Variants in IL16 observed in about 807,000 individuals in gnomAD.
IL16 encodes pro-interleukin-16.
Under a neutral mutation model 110.1 loss-of-function variants are expected in IL16, and 67 were observed. The observed-to-expected ratio is 0.61, with a 90% CI of 0.50 to 0.75. IL16 has a LOEUF of 0.75. Ranked by LOEUF, IL16 falls within the 30% of genes least tolerant of loss-of-function variation. The probability of loss-of-function intolerance (pLI) is 0.00; values close to 1 mark genes in which losing one functional copy is unlikely to be tolerated. For synonymous variants in IL16, 689 were observed against 662.9 expected (o/e 1.04, Z -0.61); for missense variants, 1,545 against 1,655.0 (o/e 0.93, Z 1.15).
chr15:81,267,479 GACACACACACACAC>G (rs56259509), intron 4 of IL16, among the ~76,000 whole-genome samples: 1 of 107,660 alleles, frequency 9.3e-6, no homozygotes, highest in Non-Finnish European at 1.9e-5. Context: ...CACATACACA[GACACACACACACAC>G]ACACACACAC....
At chr15:81,218,917 G>A (rs1896523568) in intron 1 of IL16, among the ~76,000 whole-genome samples, 1 of 147,012 alleles carries the variant, frequency 6.8e-6, no homozygotes, top group African/African-American at 2.5e-5. Flanking sequence ...CTCTTTTACT[G>A]TTTTTTTGAG....
chr15:81,243,048 T>G (rs948806027), intron 2 of IL16, among the ~76,000 whole-genome samples: 1 of 149,064 alleles, frequency 6.7e-6, no homozygotes, highest in African/African-American at 2.5e-5. Flanking sequence ...ATCCTTGCAT[T>G]CCAAGAATAA....
At chr15:81,218,176 A>G (rs1595958259) in intron 1 of IL16, among the ~76,000 whole-genome samples, 1 of 152,196 alleles carries the variant, frequency 6.6e-6, no homozygotes, top group Admixed American at 6.5e-5. Flanking sequence ...TTTGCAAGTT[A>G]TGAAGTAAAT....
At chr15:81,287,034 C>T (rs1422357608) in intron 10 of IL16, among the ~76,000 whole-genome samples, 1 of 152,146 alleles carries the variant, frequency 6.6e-6, no homozygotes, top group South Asian at 2.1e-4. Context: ...TCAATTATCT[C>T]CCACCAGGTC....
chr15:81,295,693 T>C (rs775494565), intron 12 of IL16, among the ~76,000 whole-genome samples: 2 of 152,246 alleles, frequency 1.3e-5, no homozygotes, highest in Non-Finnish European at 2.9e-5. Context: ...TATTTCATAA[T>C]GCTCTCCTAA....
chr15:81,299,110 A>G (rs2030324273), intron 13 of IL16, among the ~76,000 whole-genome samples: 1 of 152,224 alleles, frequency 6.6e-6, no homozygotes, highest in Non-Finnish European at 1.5e-5. Flanking sequence ...GTAATATGCC[A>G]GAGGTCGGCC....
rs71451567 is a variant in IL16 at position 81,199,019 on chromosome 15, C to CAAA, written c.-102+1877_-102+1879dup. 1.0e-3 allele frequency among the ~76,000 whole-genome samples: 83 copies of CAAA among 79,214 alleles called. No homozygotes were observed. The East Asian group carries it at 0.017, about 17-fold the overall frequency. The allele number at this position is 79,214 out of a possible 152,430, so 52.0% of individuals were successfully genotyped here. On this transcript the variant is annotated intron_variant, in intron 1 of 18. Coordinates refer to ENST00000683961, the MANE Select transcript of IL16 (RefSeq NM_172217.5). The stretch of plus-strand genomic sequence containing the variant: ...TGGGTGACAGAGGGAGACTCCATCT[C>CAAA]AAAAAAAAAAAATATATATATATAT...
chr15:81,234,888 G>A (rs1487467607), intron 2 of IL16, among the ~76,000 whole-genome samples: 1 of 152,132 alleles, frequency 6.6e-6, no homozygotes, highest in Non-Finnish European at 1.5e-5. Context: ...GAACTTGGAT[G>A]GCCAAGTTCA....
chr15:81,220,289 C>A lies in IL16; in HGVS notation c.-101-5010C>A, dbSNP rs1896569883. Among the ~76,000 whole-genome samples, 3 of 152,138 alleles carry A rather than the reference C, an allele frequency of 2.0e-5. No individual in the cohort carries two copies. In the South Asian group the frequency reaches 6.2e-4, roughly 32 times the overall value. ...AGTTGGGACCACAGGCACATGCCAT[C>A]ATGCTGGCTAGTTTTTTTGTTTTTT... On this transcript the variant is annotated intron_variant, in intron 1 of 18. Coordinates refer to ENST00000683961, the MANE Select transcript of IL16 (RefSeq NM_172217.5).
chr15:81,231,371 TCTCTCTCTCTCC>T (rs1896977413), intron 2 of IL16, among the ~76,000 whole-genome samples: 1 of 143,436 alleles, frequency 7.0e-6, no homozygotes, highest in African/African-American at 2.8e-5. Flanking sequence ...TCTCTCTCTC[TCTCTCTCTCTCC>T]CTCTCTTAAG....
chr15:81,210,823 A>G lies in IL16; in HGVS notation c.-102+13671A>G, dbSNP rs1430870251. Reference sequence around the variant, plus strand: ...TTTGACTTCTTCTTTTCCTATTTGTATGCTTTTCATTTTTTTCTTTTGCCT... The same window carrying G: ...TTTGACTTCTTCTTTTCCTATTTGTGTGCTTTTCATTTTTTTCTTTTGCCT... On this transcript the variant is annotated intron_variant, in intron 1 of 18. Transcript: ENST00000683961. Among the ~76,000 whole-genome samples, 5 of 152,278 alleles carry G rather than the reference A, an allele frequency of 3.3e-5. No individual in the cohort carries two copies. In the Middle Eastern group the frequency reaches 0.01, roughly 311 times the overall value.
chr15:81,295,427 C>G, intron 12 of IL16: 1 of 1,288,178 alleles, frequency 7.8e-7, no homozygotes, highest in Non-Finnish European at 1.0e-6. Context: ...TGTAAAGCTG[C>G]ATTGACTGCA....
At position 81,311,924 on chromosome 15, in the gene IL16, T is replaced by C. The variant is rs1041074090; in HGVS notation, c.*3126T>C. 1.3e-5 allele frequency: 2 copies of C among 152,212 alleles called. No individual in the cohort carries two copies. The highest frequency in any genetic ancestry group is 2.9e-5 in the Non-Finnish European group (2 of 68,038). 9.4% of individuals were successfully genotyped at this position (152,212 alleles called of 1,614,324 possible). ...CACTGAGCTGTCATGTTTTAAAGCT[T>C]GCTCACATCTTGGCACATTTAAGAG... On this transcript the variant is annotated 3_prime_UTR_variant, in exon 19 of 19. Coordinates refer to ENST00000683961, the MANE Select transcript of IL16 (RefSeq NM_172217.5).
upstream of IL16, among the ~76,000 whole-genome samples, chr15:81,196,676 C>T (rs1019239802): frequency 2.0e-5 from 3 of 152,208 alleles, no homozygotes; most frequent in Non-Finnish European, 4.4e-5. Flanking sequence ...CTGGGCTGGA[C>T]CAAGGAACCT....
At chr15:81,199,377 T>A (rs892151981) in intron 1 of IL16, among the ~76,000 whole-genome samples, 4 of 152,196 alleles carry the variant, frequency 2.6e-5, no homozygotes, top group African/African-American at 9.6e-5. Flanking sequence ...TCTCAGTGGA[T>A]GTCTCAGGTG....
chr15:81,206,713 A>G (rs541076821), intron 1 of IL16, among the ~76,000 whole-genome samples: 3 of 152,372 alleles, frequency 2.0e-5, no homozygotes, highest in African/African-American at 7.2e-5. Context: ...GAAATTAACA[A>G]TAACACCAAA....
chr15:81,215,413 G>A (rs769516341), intron 1 of IL16, among the ~76,000 whole-genome samples: 143 of 152,298 alleles, frequency 9.4e-4, no homozygotes, highest in Non-Finnish European at 1.7e-3. Context: ...TTGCAGCTTA[G>A]GCTGTGATCC....
intron 2 of IL16, among the ~76,000 whole-genome samples, chr15:81,226,763 A>G (rs1214849463): frequency 6.6e-6 from 1 of 152,224 alleles, no homozygotes; most frequent in Non-Finnish European, 1.5e-5. Flanking sequence ...ATTGGGTAGA[A>G]GGAGAAGCCA....
intron 1 of IL16, among the ~76,000 whole-genome samples, chr15:81,219,309 A>G (rs1764662019): frequency 6.6e-6 from 1 of 152,202 alleles, no homozygotes; most frequent in African/African-American, 2.4e-5. Flanking sequence ...CTGGGATTCC[A>G]TGAGGAATGA....
Sources: allele counts gnomAD v4.1 joint callset (sites outside exome capture counted in the v4.1 genomes callset), GRCh38; gene constraint gnomAD v4.1.1; transcripts MANE v1.5; gene names NCBI Gene and HGNC (gene_info 2026-07-23, HGNC 2026-07-21).